FMO3: variants seen among roughly 807,000 people sequenced by gnomAD.
FMO3 encodes flavin containing dimethylaniline monoxygenase 3.
In FMO3, 40 loss-of-function variants were observed where a neutral mutation model predicts 39.4. The observed-to-expected ratio is 1.02, with a 90% CI of 0.79 to 1.32. The LOEUF (loss-of-function observed/expected upper bound fraction) is 1.32, where lower values mean the gene tolerates loss of function less well. Ranked by LOEUF, FMO3 falls within the 40% of genes most tolerant of loss-of-function variation. FMO3 has a pLI of 0.00. For synonymous variants in FMO3, 219 were observed against 228.8 expected (o/e 0.96, Z 0.39); for missense variants, 680 against 651.8 (o/e 1.04, Z -0.47).
Position 171,117,460 on chromosome 1 carries a change from ATTTCTGAAAG to A in FMO3, c.*21_*30del. 6.2e-7 allele frequency: 1 copy of A among 1,604,980 alleles called. No homozygotes were observed. On this transcript the variant is annotated 3_prime_UTR_variant, in exon 9 of 9. Coordinates refer to ENST00000367755, the MANE Select transcript of FMO3 (RefSeq NM_001002294.3). ...TGACCTAATCATCATTTTCTCTAGG[ATTTCTGAAAG>A]TTACTGACAATACCCAGACAGGGGC... is the stretch of plus-strand genomic sequence containing the variant.
Position 171,103,753 on chromosome 1 carries a change from A to G in FMO3, c.133-32A>G, listed in dbSNP as rs2066531. 37 of 1,555,756 alleles carry G rather than the reference A, an allele frequency of 2.4e-5. No individual in the cohort carries two copies. The East Asian group carries it at 8.1e-4, about 34-fold the overall frequency. On this transcript the variant is annotated intron_variant, in intron 2 of 8. Coordinates refer to ENST00000367755, the MANE Select transcript of FMO3 (RefSeq NM_001002294.3). ...CCATGATCAGTATACTCATTTACCA[A>G]TTCGCTTCCATTTGATACTATACAT... is the stretch of plus-strand genomic sequence containing the variant.
chr1:171,097,180 C>T (rs1398664010), intron 2 of FMO3, among the ~76,000 whole-genome samples: 2 of 146,108 alleles, frequency 1.4e-5, no homozygotes. Context: ...TTTCTTAATC[C>T]AGTCTATCAT....
chr1:171,114,838 C>T (rs1035624097), intron 7 of FMO3, among the ~76,000 whole-genome samples: 4 of 152,058 alleles, frequency 2.6e-5, no homozygotes, highest in African/African-American at 9.7e-5. Flanking sequence ...ATTTTCTTCC[C>T]TGACAAAAAA....
chr1:171,113,949 C>A (rs993280181), intron 6 of FMO3, 58 bp from the exon 7 acceptor site: 6 of 1,238,086 alleles, frequency 4.8e-6, no homozygotes, highest in Admixed American at 4.4e-5. Flanking sequence ...TATATATGGA[C>A]CAATAAAACA....
intron 6 of FMO3, among the ~76,000 whole-genome samples, chr1:171,112,381 G>A (rs1419800497): frequency 1.3e-5 from 2 of 152,124 alleles, no homozygotes; most frequent in African/African-American, 4.8e-5. Flanking sequence ...GGAAGTGAAA[G>A]GACCAGTTAA....
intron 2 of FMO3, among the ~76,000 whole-genome samples, chr1:171,096,798 TTG>T (rs1655114281): frequency 2.1e-5 from 2 of 95,904 alleles, no homozygotes; most frequent in African/African-American, 7.6e-5. Context: ...ATATATATAT[TTG>T]TAATTATACT....
chr1:171,094,628 G>C (rs1404920546), intron 2 of FMO3, among the ~76,000 whole-genome samples: 1 of 152,142 alleles, frequency 6.6e-6, no homozygotes, highest in Non-Finnish European at 1.5e-5. Flanking sequence ...TATGGTGAGA[G>C]ATAGGGGTCC....
chr1:171,116,215 T>A lies in FMO3; in HGVS notation c.1191T>A (p.Cys397Ter). ...TCTTTCCTTCTTTATCAGGAACTTG[T>A]ACTTTGCCTTCTATGGAAGACATGA... ...RWAAQVIKGTCTLPSMEDMMN... is the reference protein window; with the variant it reads ...RWAAQVIKGT Residue 397 changes from cysteine (C) to a stop codon, truncating the protein, a stop_gained, in exon 8 of 9, where the codon TGT (cysteine) becomes TGA (stop). Coordinates refer to ENST00000367755, the MANE Select transcript of FMO3 (RefSeq NM_001002294.3). LOFTEE classifies it high-confidence loss of function. The A allele has an allele frequency of 1.2e-6, 2 of 1,602,048 alleles. No homozygotes were observed. The highest frequency in any genetic ancestry group is 1.7e-6 in the Non-Finnish European group (2 of 1,169,370).
chr1:171,114,299 TC>T lies in FMO3; in HGVS notation c.1123del (p.Ala377LeufsTer16), dbSNP rs1204087554. On this transcript the variant is annotated frameshift_variant, in exon 7 of 9. Transcript: ENST00000367755. LOFTEE classifies it high-confidence loss of function. ...STIAVIGFVQ[S>X]LGAAIPTVDL... The stretch of plus-strand genomic sequence containing the variant: ...CATAGCAGTGATTGGCTTTGTCCAG[TC>T]CCTTGGGGCTGCCATTCCCACAGTT... 3 of 1,613,808 alleles carry T rather than the reference TC, an allele frequency of 1.9e-6. No individual in the cohort carries two copies. The highest frequency in any genetic ancestry group is 2.5e-6 in the Non-Finnish European group (3 of 1,179,944).
intron 2 of FMO3, among the ~76,000 whole-genome samples, chr1:171,096,451 AAATATATATTAAATACATAATATATTT>A (rs1228109804): frequency 0.016 from 1,653 of 101,326 alleles, 159 homozygotes; most frequent in East Asian, 0.091. Context: ...TTTATATATT[AAATATATATTAAATACATAATATATTT>A]TATATATTAA....
At chr1:171,096,371 T>A (rs1354567407) in intron 2 of FMO3, among the ~76,000 whole-genome samples, 1 of 84,346 alleles carries the variant, frequency 1.2e-5, no homozygotes, top group Non-Finnish European at 1.9e-5. Flanking sequence ...ATATATATAT[T>A]ATAATTATAT....
chr1:171,117,345 T>C lies in FMO3; in HGVS notation c.1502T>C (p.Val501Ala), dbSNP rs1173172818. ...DRSLKPMQTR[V>A]VGRLQKPCFF... is the part of the protein sequence containing the mutation. ...TCGTTGAAACCCATGCAGACACGAG[T>C]GGTCGGGAGACTTCAGAAGCCTTGC... is the stretch of plus-strand genomic sequence containing the variant. Residue 501 changes from valine to alanine, a missense_variant, in exon 9 of 9, where the codon GTG (valine) becomes GCG (alanine). Coordinates refer to ENST00000367755, the MANE Select transcript of FMO3 (RefSeq NM_001002294.3). The C allele has an allele frequency of 1.2e-6, 2 of 1,613,050 alleles. No individual in the cohort carries two copies. Among genetic ancestry groups the C allele is most frequent in the Admixed American group, 1.7e-5 (1 of 59,822 alleles).
intron 3 of FMO3, among the ~76,000 whole-genome samples, chr1:171,104,475 G>C (rs1655551245): frequency 6.6e-6 from 1 of 151,720 alleles, no homozygotes. Context: ...AAGAAAGACA[G>C]AATAAACTCA....
At chr1:171,095,114 T>C (rs1454266346) in intron 2 of FMO3, among the ~76,000 whole-genome samples, 1 of 152,172 alleles carries the variant, frequency 6.6e-6, no homozygotes, top group Non-Finnish European at 1.5e-5. Flanking sequence ...TTTTGTGGTT[T>C]TCCCCAAAGA....
intron 7 of FMO3, 149 bp from the exon 8 acceptor site, chr1:171,116,059 G>A (rs1656132186): frequency 1.6e-6 from 1 of 621,668 alleles, no homozygotes; most frequent in Non-Finnish European, 2.9e-6. Flanking sequence ...ACAAATATGA[G>A]TTCTGAGAAG....
At chr1:171,113,981 A>C in intron 6 of FMO3, 26 bp from the exon 7 acceptor site, 1 of 1,440,728 alleles carries the variant, frequency 6.9e-7, no homozygotes, top group African/African-American at 1.4e-5. Flanking sequence ...TTACACTTCC[A>C]ATAATTGTCT....
intron 5 of FMO3, 115 bp from the exon 6 acceptor site, chr1:171,110,683 A>T (rs1185384153): frequency 1.0e-6 from 1 of 974,694 alleles, no homozygotes; most frequent in Non-Finnish European, 1.7e-6. Context: ...GTCTTCTGAC[A>T]CCACTTTCTG....
chr1:171,113,436 C>T (rs1656000669), intron 6 of FMO3, among the ~76,000 whole-genome samples: 1 of 152,150 alleles, frequency 6.6e-6, no homozygotes, highest in African/African-American at 2.4e-5. Flanking sequence ...CTTTCCTCCT[C>T]CTATTTGGTC....
chr1:171,107,976 T>C (rs1655724532), intron 4 of FMO3, 103 bp from the exon 5 acceptor site: 1 of 1,405,142 alleles, frequency 7.1e-7, no homozygotes. Context: ...TGTGTTAAAA[T>C]AGCACATTAT....
Sources: gnomAD v4.1 joint callset for allele counts (sites outside exome capture counted in the v4.1 genomes callset) on GRCh38, gnomAD v4.1.1 for gene constraint, MANE v1.5 for transcripts, NCBI Gene and HGNC (gene_info 2026-07-23, HGNC 2026-07-21) for gene names.